HERC2: variants seen among roughly 807,000 people sequenced by gnomAD.
The protein encoded by HERC2 is HECT and RLD domain containing E3 ubiquitin protein ligase 2.
Under a neutral mutation model 537.7 loss-of-function variants are expected in HERC2, and 102 were observed. The ratio of observed to expected loss-of-function variants is 0.19; its 90% confidence interval spans 0.16 to 0.22. The LOEUF (loss-of-function observed/expected upper bound fraction) is 0.22, where lower values mean the gene tolerates loss of function less well. Ranked by LOEUF, HERC2 falls within the 10% of genes least tolerant of loss-of-function variation. The pLI, the probability that HERC2 is intolerant of heterozygous loss-of-function variation, is 1.00. For missense variants in HERC2, 4,236 were observed against 6,198.2 expected (o/e 0.68, Z 10.63); for synonymous variants, 2,224 against 2,466.2 (o/e 0.90, Z 2.91).
At chr15:28,198,206 G>A (rs1330464973) in intron 50 of HERC2, among the ~76,000 whole-genome samples, 172 bp downstream of exon 50, 1 of 152,188 alleles carries the variant, frequency 6.6e-6, no homozygotes, top group African/African-American at 2.4e-5. Flanking sequence ...TTGTTTCACT[G>A]CAGGTGAGTT....
intron 37 of HERC2, 89 bp downstream of exon 37, chr15:28,220,363 C>T (rs1281970441): frequency 4.2e-6 from 5 of 1,195,540 alleles, no homozygotes; most frequent in East Asian, 4.7e-5. Flanking sequence ...CCTGACATCC[C>T]ATTCTAAGGC....
intron 70 of HERC2, among the ~76,000 whole-genome samples, chr15:28,150,674 C>T (rs1289012838): frequency 1.3e-5 from 2 of 149,392 alleles, no homozygotes; most frequent in Admixed American, 1.3e-4. Context: ...CCAACAACGG[C>T]CACACAGACA....
At chr15:28,258,849 G>GA (rs2075340303) in intron 16 of HERC2, among the ~76,000 whole-genome samples, 1 of 151,866 alleles carries the variant, frequency 6.6e-6, no homozygotes, top group African/African-American at 2.4e-5. Context: ...AACTGACAAA[G>GA]AAAAAAACAG....
chr15:28,158,264 G>C (rs1231593667), intron 69 of HERC2, among the ~76,000 whole-genome samples: 1 of 152,184 alleles, frequency 6.6e-6, no homozygotes, highest in Non-Finnish European at 1.5e-5. Context: ...GCTTGATGCA[G>C]AGCTGAGTTC....
rs112830316 is a variant in HERC2 at position 28,214,823 on chromosome 15, A to G, written c.6211-21T>C. 3.5e-3 allele frequency: 5,563 copies of G among 1,592,332 alleles called. 172 individuals are homozygous for G. The African/African-American group carries it at 0.068, about 20-fold the overall frequency. The stretch of plus-strand genomic sequence containing the variant: ...AAGATCTGATAAAAGAAAATTTATA[A>G]CGACAAGCATTAAAAAAAATCTGAT... On this transcript the variant is annotated intron_variant, in intron 39 of 92. Coordinates refer to ENST00000261609, the MANE Select transcript of HERC2 (RefSeq NM_004667.6).
Position 28,213,990 on chromosome 15 carries a change from G to C in HERC2, c.6556-18C>G. The C allele has an allele frequency of 6.2e-7, 1 of 1,611,922 alleles. No homozygotes were observed. The highest frequency in any genetic ancestry group is 1.7e-5 in the Admixed American group (1 of 60,002). The stretch of plus-strand genomic sequence containing the variant: ...AACTGGGCCTAGTGCAGACCAAACA[G>C]CGAGCTCGACAGAGACACTCACGGA... On this transcript the variant is annotated intron_variant, in intron 41 of 92. Transcript: ENST00000261609.
At chr15:28,183,103 C>T (rs1026661947) in intron 56 of HERC2, among the ~76,000 whole-genome samples, 5 of 152,226 alleles carry the variant, frequency 3.3e-5, no homozygotes, top group East Asian at 1.9e-4. Flanking sequence ...ACCTGATCAT[C>T]GGCCAGCTAA....
At chr15:28,296,346 T>G (rs558372690) in intron 3 of HERC2, among the ~76,000 whole-genome samples, 1 of 151,922 alleles carries the variant, frequency 6.6e-6, no homozygotes, top group Non-Finnish European at 1.5e-5. Context: ...TGGTGGAGGG[T>G]GCCTGTAATC....
intron 92 of HERC2, among the ~76,000 whole-genome samples, chr15:28,112,294 G>A (rs1196205964): frequency 6.6e-6 from 1 of 152,204 alleles, no homozygotes; most frequent in Non-Finnish European, 1.5e-5. Flanking sequence ...CACCACCTGT[G>A]TGGATGCGGG....
At position 28,192,073 on chromosome 15, in the gene HERC2, T is replaced by A; in HGVS notation, c.8339A>T (p.Asp2780Val). 1.2e-6 allele frequency: 2 copies of A among 1,614,048 alleles called. No homozygotes were observed. Among genetic ancestry groups the A allele is most frequent in the Non-Finnish European group, 1.7e-6 (2 of 1,180,008 alleles). ...GCTCTTCACCATGCGGGACCAGCTGTCCAGCAGCATGCCTGGCTGGCTGCT... is the reference window on the plus strand; with the variant it reads ...GCTCTTCACCATGCGGGACCAGCTGACCAGCAGCATGCCTGGCTGGCTGCT... Reference protein sequence around the residue: ...CHSSQPGMLLDSWSRMVKSLN... With the variant: ...CHSSQPGMLLVSWSRMVKSLN... Residue 2780 changes from aspartate to valine, a missense_variant, in exon 53 of 93, where the codon GAC (aspartate) becomes GTC (valine). Around this residue, in one of 27 missense-constraint regions of HERC2, gnomAD observed 606 missense variants for 884.5 expected, o/e 0.69. Coordinates refer to ENST00000261609, the MANE Select transcript of HERC2 (RefSeq NM_004667.6).
Position 28,135,522 on chromosome 15 carries a change from A to T in HERC2, c.12186T>A (p.Ser4062=), listed in dbSNP as rs774714916. Residue 4062 remains serine, a synonymous_variant, in exon 79 of 93, where the codon TCT becomes TCA. Transcript: ENST00000261609. ...LALSSEGEVY[S]WGEAEDGKLG... is the part of the protein sequence containing the mutation. ...ACTTCCCATCTTCTGCCTCACCCCA[A>T]GAGTAAACTTCTCCTTCTGAAGACA... 1.4e-5 allele frequency: 22 copies of T among 1,614,102 alleles called. No homozygotes were observed. The Admixed American group carries it at 2.2e-4, about 16-fold the overall frequency.
intron 23 of HERC2, among the ~76,000 whole-genome samples, chr15:28,241,075 T>C (rs1200311410): frequency 1.3e-5 from 2 of 152,208 alleles, no homozygotes; most frequent in Non-Finnish European, 2.9e-5. Context: ...CGAATACTTC[T>C]GTGCATCAAA....
rs766170965 is a variant in HERC2 at position 28,228,293 on chromosome 15, G to A, written c.5389C>T (p.His1797Tyr). The A allele has an allele frequency of 5.6e-6, 9 of 1,613,000 alleles. No individual in the cohort carries two copies. In the South Asian group the frequency reaches 7.7e-5, roughly 14 times the overall value. Residue 1797 changes from histidine (H) to tyrosine (Y), a missense_variant, in exon 35 of 93, where the codon CAC becomes TAC. His to Tyr is a moderately conservative substitution (Grantham distance 83). Coordinates refer to ENST00000261609, the MANE Select transcript of HERC2 (RefSeq NM_004667.6). Reference protein sequence around the residue: ...LVMLSMLTLQHGANNLDLLLN... With the variant: ...LVMLSMLTLQYGANNLDLLLN... The stretch of plus-strand genomic sequence containing the variant: ...AGAAGGTCGAGGTTGTTTGCGCCGT[G>A]CTGCAGGGTGAGCATGCTGAGCATC...
intron 70 of HERC2, among the ~76,000 whole-genome samples, chr15:28,149,681 C>T (rs949628737): frequency 2.6e-5 from 4 of 151,756 alleles, no homozygotes; most frequent in African/African-American, 9.7e-5. Context: ...CAACTTCTAA[C>T]CGAGAACATC....
rs140556070 is a variant in HERC2, at chr15:28,186,582, G to C, written c.8820C>G (p.Ser2940Arg). 8.6e-5 allele frequency: 138 copies of C among 1,613,276 alleles called. No individual in the cohort carries two copies. Among genetic ancestry groups the C allele is most frequent in the Non-Finnish European group, 1.1e-4 (124 of 1,179,632 alleles). Residue 2940 changes from serine to arginine, a missense_variant, in exon 56 of 93, where the codon AGC (serine) becomes AGG (arginine). Ser to Arg is a moderately radical substitution (Grantham distance 110). Transcript: ENST00000261609. ...NEEEEDEKGNSGSLIRKKAAG... is the reference protein window; with the variant it reads ...NEEEEDEKGNRGSLIRKKAAG... ...CTGTAACAAATGGTTCTCACCTTCCGCTGTTGCCTTTCTCATCCTCCTCCT... is the reference window on the plus strand; with the variant it reads ...CTGTAACAAATGGTTCTCACCTTCCCCTGTTGCCTTTCTCATCCTCCTCCT...
chr15:28,129,873 T>A (rs1889923455), intron 83 of HERC2, among the ~76,000 whole-genome samples: 1 of 149,916 alleles, frequency 6.7e-6, no homozygotes, highest in South Asian at 2.1e-4. Context: ...ACCTCCCGGG[T>A]TCAAGTGATT....
At chr15:28,263,528 C>T (rs569650572) in intron 14 of HERC2, among the ~76,000 whole-genome samples, 1 of 152,308 alleles carries the variant, frequency 6.6e-6, no homozygotes, top group Admixed American at 6.5e-5. Flanking sequence ...GACCACCCTC[C>T]CGTTTGCCTG....
At position 28,122,824 on chromosome 15, in the gene HERC2, C is replaced by A. The variant is rs992758424; in HGVS notation, c.13188+1213G>T. 6.6e-6 allele frequency among the ~76,000 whole-genome samples: 1 copy of A among 151,986 alleles called. No homozygotes were observed. Among genetic ancestry groups the A allele is most frequent in the Admixed American group, 6.6e-5 (1 of 15,248 alleles). Reference sequence around the variant, plus strand: ...GCAGGTGCCAGATGCTGCTGCCCACCGCTCCCCTACCACACACCAGCTCCC... The same window carrying A: ...GCAGGTGCCAGATGCTGCTGCCCACAGCTCCCCTACCACACACCAGCTCCC... On this transcript the variant is annotated intron_variant, in intron 85 of 92. Transcript: ENST00000261609. This position sits in a 1 kb window ranked among gnomAD's most constrained non-coding sequence, Gnocchi z 4.1.
chr15:28,256,497 A>G (rs776020931), intron 17 of HERC2, among the ~76,000 whole-genome samples, 180 bp from the exon 18 acceptor site: 1 of 152,212 alleles, frequency 6.6e-6, no homozygotes, highest in Non-Finnish European at 1.5e-5. Flanking sequence ...GGTATTTGCT[A>G]GAGGAATCTT....
Sources: allele counts gnomAD v4.1 joint callset (sites outside exome capture counted in the v4.1 genomes callset), GRCh38; gene constraint gnomAD v4.1.1; regional missense constraint gnomAD v4.1.1; non-coding constraint Gnocchi (gnomAD v3.1); transcripts MANE v1.5; gene names NCBI Gene and HGNC (gene_info 2026-07-23, HGNC 2026-07-21).